The following PKNOX1 variants were observed in gnomAD, a reference collection of about 807,000 sequenced individuals.
PKNOX1 encodes PBX/knotted 1 homeobox 1, also known as homeobox protein PKNOX1.
PKNOX1 carries 15 observed loss-of-function variants against 51.9 expected under a neutral mutation model. The observed-to-expected ratio is 0.29, with a 90% CI of 0.19 to 0.45. PKNOX1 has a LOEUF of 0.45. PKNOX1 is among the 20% of genes least tolerant of loss of function. The pLI is 1.00. For missense variants in PKNOX1, 462 were observed against 547.5 expected (o/e 0.84, Z 1.56); for synonymous variants, 219 against 211.1 (o/e 1.04, Z -0.32).
At position 43,028,622 on chromosome 21, in the gene PKNOX1, T is replaced by G. The variant is rs1354717895; in HGVS notation, c.927-80T>G. On this transcript the variant is annotated intron_variant, in intron 9 of 10. Transcript: ENST00000291547. Reference sequence around the variant, plus strand: ...GTAGCGTGCTTCGTAGAGCAGCGTGTTTGTTAGAAGGATTTGTTAATCCTG... The same window carrying G: ...GTAGCGTGCTTCGTAGAGCAGCGTGGTTGTTAGAAGGATTTGTTAATCCTG... 3.7e-5 allele frequency: 50 copies of G among 1,335,152 alleles called. 1 individual carries two copies. Among genetic ancestry groups the G allele is most frequent in the Non-Finnish European group, 4.9e-5 (46 of 944,628 alleles). The allele number at this position is 1,335,152 out of a possible 1,614,324, so 82.7% of individuals were successfully genotyped here.
Position 43,013,298 on chromosome 21 carries a change from C to A in PKNOX1, c.522+60C>A. On this transcript the variant is annotated intron_variant, in intron 5 of 10. Coordinates refer to ENST00000291547, the MANE Select transcript of PKNOX1 (RefSeq NM_004571.5). ...GCCACTGTGAACATCTGCATTGAGT[C>A]ATGAGACCACCAGCTCTTTCAGAAT... 2.5e-6 allele frequency: 3 copies of A among 1,220,754 alleles called. No individual in the cohort carries two copies. The South Asian group carries it at 4.8e-5, about 20-fold the overall frequency. 75.6% of individuals were successfully genotyped at this position (1,220,754 alleles called of 1,614,324 possible).
chr21:43,016,979 G>A lies in PKNOX1; in HGVS notation c.594G>A (p.Gln198=). The A allele has an allele frequency of 6.2e-7, 1 of 1,612,742 alleles. No individual in the cohort carries two copies. The highest frequency in any genetic ancestry group is 1.3e-5 in the African/African-American group (1 of 75,052). The stretch of plus-strand genomic sequence containing the variant: ...TGGTGCCGGCGTCCGCGCTGCAGCA[G>A]GGAAACGTAGCCATGGCGACGGTGG... ...GIVVPASALQ[Q]GNVAMATVAG... is the part of the protein sequence containing the mutation. The change falls in exon 6 of 11, where the codon CAG becomes CAA. Residue 198 remains glutamine (Q), a synonymous_variant. Coordinates refer to ENST00000291547, the MANE Select transcript of PKNOX1 (RefSeq NM_004571.5).
In PKNOX1 at chr21:42,997,230, T is replaced by G. The variant is rs368418825; in HGVS notation, c.-56-7096T>G. 5.3e-5 allele frequency among the ~76,000 whole-genome samples: 8 copies of G among 152,238 alleles called. No homozygotes were observed. In the South Asian group the frequency reaches 6.2e-4, roughly 12 times the overall value. Reference sequence around the variant, plus strand: ...CCCAAGCAAACTAGGACTTAGAGATTGTTTCACAAAGCCCTGCTGACTCAT... The same window carrying G: ...CCCAAGCAAACTAGGACTTAGAGATGGTTTCACAAAGCCCTGCTGACTCAT... On this transcript the variant is annotated intron_variant, in intron 1 of 10. Coordinates refer to ENST00000291547, the MANE Select transcript of PKNOX1 (RefSeq NM_004571.5).
chr21:43,005,227 C>G (rs762555699), intron 2 of PKNOX1, among the ~76,000 whole-genome samples: 3 of 152,166 alleles, frequency 2.0e-5, no homozygotes, highest in Admixed American at 6.5e-5. Flanking sequence ...CAGTACACCC[C>G]CCTCGGCTCT....
intron 1 of PKNOX1, among the ~76,000 whole-genome samples, chr21:43,002,776 G>T (rs762076164): frequency 4.6e-5 from 7 of 152,194 alleles, no homozygotes; most frequent in Non-Finnish European, 1.0e-4. Context: ...GAGTGCAGTG[G>T]CACGATCTTG....
rs191760056 is a variant in PKNOX1, at chr21:43,032,080, G to A, written c.*1979G>A. ...TCTCCATGTTGGTCGGGCTGGTCTC[G>A]AACTCCCGACCTCAGGTGATCTGCC... On this transcript the variant is annotated 3_prime_UTR_variant, in exon 11 of 11. Transcript: ENST00000291547. 1.1e-3 allele frequency: 459 copies of A among 435,788 alleles called. 9 individuals are homozygous for A. The East Asian group carries it at 0.027, about 26-fold the overall frequency. 27.0% of individuals were successfully genotyped at this position (435,788 alleles called of 1,614,324 possible).
At chr21:42,975,852 G>A (rs1335227477) in intron 1 of PKNOX1, among the ~76,000 whole-genome samples, 1 of 152,256 alleles carries the variant, frequency 6.6e-6, no homozygotes, top group African/African-American at 2.4e-5. Context: ...TCTTCAGGAT[G>A]AAAGAAACCC....
chr21:42,981,150 G>A (rs2059023331), intron 1 of PKNOX1, among the ~76,000 whole-genome samples: 1 of 152,226 alleles, frequency 6.6e-6, no homozygotes, highest in Non-Finnish European at 1.5e-5. Flanking sequence ...GTTCTGTCTT[G>A]TGTACACTGT....
At chr21:43,008,077 A>T (rs1979079969) in intron 3 of PKNOX1, among the ~76,000 whole-genome samples, 1 of 151,926 alleles carries the variant, frequency 6.6e-6, no homozygotes, top group Non-Finnish European at 1.5e-5. Context: ...ACACACACAC[A>T]CACACACACA....
Position 43,032,586 on chromosome 21 carries a change from C to T in PKNOX1, c.*2485C>T, listed in dbSNP as rs1435267903. ...CACTATGCTTGCACCTGTGAATAGCCACTGCACTCCATCTTGGGCAACACA... is the reference window on the plus strand; with the variant it reads ...CACTATGCTTGCACCTGTGAATAGCTACTGCACTCCATCTTGGGCAACACA... On this transcript the variant is annotated 3_prime_UTR_variant, in exon 11 of 11. Coordinates refer to ENST00000291547, the MANE Select transcript of PKNOX1 (RefSeq NM_004571.5). 1.1e-5 allele frequency: 2 copies of T among 173,944 alleles called. No homozygotes were observed. The highest frequency in any genetic ancestry group is 4.7e-5 in the African/African-American group (2 of 42,422). 10.8% of individuals were successfully genotyped at this position (173,944 alleles called of 1,614,324 possible). A position where few individuals can be genotyped will look rare whatever the true frequency, so the allele number is the denominator to read the frequency against.
At chr21:43,028,368 G>A (rs1460991953) in intron 9 of PKNOX1, among the ~76,000 whole-genome samples, 1 of 152,010 alleles carries the variant, frequency 6.6e-6, no homozygotes, top group East Asian at 1.9e-4. Flanking sequence ...AGGGAAAACA[G>A]TGTCAGATTC....
At chr21:43,018,474 CCACACACA>C (rs555017462) in intron 7 of PKNOX1, among the ~76,000 whole-genome samples, 2 of 14,450 alleles carry the variant, frequency 1.4e-4, no homozygotes, top group African/African-American at 3.4e-4. Context: ...CCCCTGCCAC[CCACACACA>C]CACACACACA....
At chr21:42,994,727 G>A (rs1018573597) in intron 1 of PKNOX1, among the ~76,000 whole-genome samples, 1 of 151,866 alleles carries the variant, frequency 6.6e-6, no homozygotes, top group African/African-American at 2.4e-5. Flanking sequence ...TTCTCAAAAT[G>A]GTGATATTTA....
chr21:42,988,146 C>T (rs374831279), intron 1 of PKNOX1, among the ~76,000 whole-genome samples: 14 of 152,072 alleles, frequency 9.2e-5, no homozygotes, highest in South Asian at 6.2e-4. Context: ...CTCTGCCTCC[C>T]GGGTTCAAGT....
chr21:43,006,850 A>T (rs972394052), intron 2 of PKNOX1, among the ~76,000 whole-genome samples: 2 of 152,222 alleles, frequency 1.3e-5, no homozygotes, highest in Admixed American at 1.3e-4. Context: ...GATAACTAGA[A>T]GTTTACTTTC....
At chr21:42,982,486 T>C (rs901389246) in intron 1 of PKNOX1, among the ~76,000 whole-genome samples, 1 of 152,100 alleles carries the variant, frequency 6.6e-6, no homozygotes, top group Non-Finnish European at 1.5e-5. Flanking sequence ...TCCCAGCACT[T>C]TGGGAGGCCA....
At chr21:43,001,244 G>A (rs1483908777) in intron 1 of PKNOX1, among the ~76,000 whole-genome samples, 1 of 152,212 alleles carries the variant, frequency 6.6e-6, no homozygotes, top group Non-Finnish European at 1.5e-5. Flanking sequence ...CGTTATACCA[G>A]GCTGCTGTTG....
At chr21:42,998,308 G>C (rs1421850346) in intron 1 of PKNOX1, among the ~76,000 whole-genome samples, 1 of 152,118 alleles carries the variant, frequency 6.6e-6, no homozygotes, top group Non-Finnish European at 1.5e-5. Context: ...TTGCCCCCAT[G>C]ATTCAACTAC....
intron 1 of PKNOX1, among the ~76,000 whole-genome samples, chr21:42,987,744 G>A (rs930096251): frequency 3.3e-5 from 5 of 150,638 alleles, no homozygotes; most frequent in Non-Finnish European, 7.4e-5. Flanking sequence ...TCAGCCTACA[G>A]AGTAGCTGGG....
Sources: gnomAD v4.1 joint callset for allele counts (sites outside exome capture counted in the v4.1 genomes callset) on GRCh38, gnomAD v4.1.1 for gene constraint, MANE v1.5 for transcripts, NCBI Gene and HGNC (gene_info 2026-07-23, HGNC 2026-07-21) for gene names.